The following RGS6 variants were observed in gnomAD, a reference collection of about 807,000 sequenced individuals.
The protein encoded by RGS6 is regulator of G protein signaling 6, also known as regulator of G-protein signaling 6.
In RGS6, 30 loss-of-function variants were observed where a neutral mutation model predicts 78.5. The ratio of observed to expected loss-of-function variants is 0.38; its 90% CI spans 0.29 to 0.52. The LOEUF (loss-of-function observed/expected upper bound fraction) is 0.52. Among genes scored for constraint, RGS6 ranks in the 20% least tolerant of loss-of-function variants. The probability of loss-of-function intolerance (pLI) is 0.85; values close to 1 mark genes in which losing one functional copy is unlikely to be tolerated. For missense variants in RGS6, 495 were observed against 609.7 expected, an observed-to-expected ratio of 0.81 and a Z score of 1.98; for synonymous variants, 206 against 206.0, an observed-to-expected ratio of 1.00 and a Z score of 0.00.
At chr14:71,882,191 T>A in the RGS6 span, among the ~76,000 whole-genome samples, 1 of 152,254 alleles carries the variant, frequency 6.6e-6, no homozygotes. Flanking sequence ...TGTGGAATCA[T>A]GTAATATCTG....
intron 10 of RGS6, among the ~76,000 whole-genome samples, chr14:72,476,192 A>G (rs780410667): frequency 1.3e-5 from 2 of 152,230 alleles, no homozygotes; most frequent in Non-Finnish European, 2.9e-5. Context: ...TTAGGCCAGA[A>G]AACTGTTTAA....
chr14:72,106,988 A>T (rs759321155), intron 2 of RGS6, among the ~76,000 whole-genome samples: 1 of 152,066 alleles, frequency 6.6e-6, no homozygotes, highest in African/African-American at 2.4e-5. Flanking sequence ...CTGTATTTTG[A>T]TGTTAACAGC....
chr14:71,990,868 A>G (rs1323381553), intron 2 of RGS6: 2 of 455,896 alleles, frequency 4.4e-6, no homozygotes, highest in African/African-American at 4.0e-5. Context: ...TGCCCTGCCA[A>G]AACTGTTCTC....
At chr14:72,361,776 A>G (rs560873963) in intron 3 of RGS6, among the ~76,000 whole-genome samples, 22 of 152,286 alleles carry the variant, frequency 1.4e-4, no homozygotes, top group Middle Eastern at 3.4e-3. Flanking sequence ...GACTTTCACA[A>G]TAAGAGGTAC....
intron 2 of RGS6, among the ~76,000 whole-genome samples, chr14:72,329,017 G>A (rs1416516218): frequency 6.6e-6 from 1 of 152,132 alleles, no homozygotes; most frequent in Non-Finnish European, 1.5e-5. Context: ...GATTACAGGT[G>A]CCCACCACCA....
intron 2 of RGS6, among the ~76,000 whole-genome samples, chr14:71,992,225 G>A (rs1158921802): frequency 6.6e-6 from 1 of 152,114 alleles, no homozygotes; most frequent in Admixed American, 6.6e-5. Context: ...TATAGACAGA[G>A]TTTTGCCATG....
rs551762381 is a variant in RGS6, at chr14:72,042,091, A to T, written c.84+77216A>T. ...TACTTTCAGGGTATTAATACTAGAG[A>T]AATTTCCTCTAATACTTTCCTTTTT... is the stretch of plus-strand genomic sequence containing the variant. On this transcript the variant is annotated intron_variant, in intron 2 of 17. Transcript: ENST00000553525. Among the ~76,000 whole-genome samples, 3 of 151,710 alleles carry T rather than the reference A, an allele frequency of 2.0e-5. No homozygotes were observed. In the South Asian group the frequency reaches 6.3e-4, roughly 32 times the overall value.
chr14:72,221,595 A>G (rs114965478), intron 2 of RGS6, among the ~76,000 whole-genome samples: 102 of 152,310 alleles, frequency 6.7e-4, no homozygotes, highest in African/African-American at 2.4e-3. Context: ...AAGTGACGAC[A>G]ATCACTTTTA....
intron 3 of RGS6, among the ~76,000 whole-genome samples, chr14:72,396,652 T>A (rs1484325583): frequency 1.3e-5 from 2 of 152,194 alleles, no homozygotes; most frequent in African/African-American, 4.8e-5. Flanking sequence ...TGCCTAGGTT[T>A]TCTTGTAGGG....
intron 13 of RGS6, among the ~76,000 whole-genome samples, chr14:72,498,120 G>A (rs2153421201): frequency 6.6e-6 from 1 of 152,250 alleles, no homozygotes; most frequent in South Asian, 2.1e-4. Context: ...TGATAATCAA[G>A]CTTTTCATTT....
intron 17 of RGS6, among the ~76,000 whole-genome samples, chr14:72,545,919 G>T (rs1386210016): frequency 6.6e-6 from 1 of 152,146 alleles, no homozygotes; most frequent in African/African-American, 2.4e-5. Context: ...CTGTGTGTGT[G>T]TGTGTCAGGT....
chr14:72,320,105 G>A (rs1249481534), intron 2 of RGS6, among the ~76,000 whole-genome samples: 2 of 152,138 alleles, frequency 1.3e-5, no homozygotes, highest in Non-Finnish European at 2.9e-5. Flanking sequence ...GCTAACCTAA[G>A]CCTTCCTTAC....
intron 2 of RGS6, among the ~76,000 whole-genome samples, chr14:72,312,232 T>G (rs909095632): frequency 1.3e-5 from 2 of 151,854 alleles, no homozygotes; most frequent in Non-Finnish European, 2.9e-5. Context: ...ATTGTTTTTT[T>G]TTTTTTTTTT....
chr14:72,257,632 T>G (rs1390790752), intron 2 of RGS6, among the ~76,000 whole-genome samples: 2 of 152,166 alleles, frequency 1.3e-5, no homozygotes, highest in Non-Finnish European at 2.9e-5. Context: ...TACACATACT[T>G]TCTGAATCTA....
At chr14:72,141,184 C>A (rs2096534705) in intron 2 of RGS6, among the ~76,000 whole-genome samples, 1 of 152,150 alleles carries the variant, frequency 6.6e-6, no homozygotes, top group Non-Finnish European at 1.5e-5. Context: ...TGGGGCCATT[C>A]ACTGACCCAG....
At chr14:72,438,558 A>G (rs374632918) in intron 3 of RGS6, among the ~76,000 whole-genome samples, 1 of 152,176 alleles carries the variant, frequency 6.6e-6, no homozygotes, top group South Asian at 2.1e-4. Context: ...TAGTTAAGCT[A>G]GAAACCTGGA....
At chr14:72,607,556 T>G in the RGS6 span, among the ~76,000 whole-genome samples, 1 of 152,224 alleles carries the variant, frequency 6.6e-6, no homozygotes, top group African/African-American at 2.4e-5. Flanking sequence ...GGACATACCA[T>G]TCATACCATA....
rs1019902953 is a variant in RGS6 at position 72,552,246 on chromosome 14, G to GAGTT, written c.1423-10166_1423-10163dup. On this transcript the variant is annotated intron_variant, in intron 17 of 17. Transcript: ENST00000553525. ...GGCTTATTTTTAAAGTCAACTCAGA[G>GAGTT]AGTTAGTTTTTCTGCATTTCCTGGA... is the stretch of plus-strand genomic sequence containing the variant. Among the ~76,000 whole-genome samples the GAGTT allele has an allele frequency of 2.0e-5, 3 of 152,332 alleles. 1 individual carries two copies. The highest frequency in any genetic ancestry group is 4.1e-4 in the South Asian group (2 of 4,830).
At chr14:72,338,470 C>G (rs2076427714) in intron 2 of RGS6, among the ~76,000 whole-genome samples, 1 of 152,158 alleles carries the variant, frequency 6.6e-6, no homozygotes, top group Admixed American at 6.5e-5. Flanking sequence ...AATTATCTCT[C>G]CACTAGGTCC....
Sources: gnomAD v4.1 joint callset for allele counts (sites outside exome capture counted in the v4.1 genomes callset) on GRCh38, gnomAD v4.1.1 for gene constraint, MANE v1.5 for transcripts, NCBI Gene and HGNC (gene_info 2026-07-23, HGNC 2026-07-21) for gene names.